Variants in DLGAP2 observed in about 807,000 individuals in gnomAD.
The protein encoded by DLGAP2 is disks large-associated protein 2.
Under a neutral mutation model 100.3 loss-of-function variants are expected in DLGAP2, and 26 were observed. The observed-to-expected ratio is 0.26, with a 90% CI of 0.19 to 0.36. DLGAP2 has a LOEUF of 0.36. DLGAP2 is among the 10% of genes least tolerant of loss of function. DLGAP2 has a pLI of 1.00. For synonymous variants in DLGAP2, 886 were observed against 630.1 expected, an observed-to-expected ratio of 1.41 and a Z score of -6.08; for missense variants, 1,858 against 1,453.2, an observed-to-expected ratio of 1.28 and a Z score of -4.53.
intron 3 of DLGAP2, among the ~76,000 whole-genome samples, chr8:1,390,157 C>A (rs1027169362): frequency 6.6e-6 from 1 of 151,660 alleles, no homozygotes; most frequent in Non-Finnish European, 1.5e-5. Flanking sequence ...TAAATCGAGG[C>A]ACTCTCTGAG....
chr8:1,513,234 G>C (rs1800235543), intron 4 of DLGAP2, among the ~76,000 whole-genome samples: 1 of 144,896 alleles, frequency 6.9e-6, no homozygotes, highest in Non-Finnish European at 1.5e-5. Flanking sequence ...GCCTTTCCCA[G>C]TGCAGGGCAA....
chr8:1,370,356 G>A (rs899516072), intron 3 of DLGAP2, among the ~76,000 whole-genome samples: 1 of 152,200 alleles, frequency 6.6e-6, no homozygotes, highest in South Asian at 2.1e-4. Context: ...GGCAGGTGGG[G>A]TTGCACCATC....
chr8:1,283,085 C>T (rs945841031), intron 3 of DLGAP2, among the ~76,000 whole-genome samples: 1 of 147,314 alleles, frequency 6.8e-6, no homozygotes, highest in South Asian at 2.2e-4. Context: ...AGCATCCAGA[C>T]GTGGTGTGAC....
At chr8:866,651 C>G (rs1447130802) in intron 1 of DLGAP2, among the ~76,000 whole-genome samples, 1 of 152,198 alleles carries the variant, frequency 6.6e-6, no homozygotes, top group African/African-American at 2.4e-5. Flanking sequence ...TTGCTGCCAC[C>G]TGTGACGGCT....
At chr8:1,059,521 G>T (rs1437760512) in intron 2 of DLGAP2, among the ~76,000 whole-genome samples, 2 of 152,220 alleles carry the variant, frequency 1.3e-5, no homozygotes, top group Non-Finnish European at 2.9e-5. Flanking sequence ...GTGGTGTGTG[G>T]CGAGTGTGGG....
rs553827391 is a variant in DLGAP2 at position 1,624,058 on chromosome 8, C to G, written c.1443-2682C>G. On this transcript the variant is annotated intron_variant, in intron 6 of 14. Transcript: ENST00000637795. ...ATGGCTCAGAGGTGATCCCTTCGTTCACGTAGCAGGCACTGGTTAGAAACT... is the reference window on the plus strand; with the variant it reads ...ATGGCTCAGAGGTGATCCCTTCGTTGACGTAGCAGGCACTGGTTAGAAACT... Among the ~76,000 whole-genome samples, 6 of 152,334 alleles carry G rather than the reference C, an allele frequency of 3.9e-5. No homozygotes were observed. The East Asian group carries it at 1.2e-3, about 29-fold the overall frequency.
rs1180784098 is a variant in DLGAP2 at position 1,156,364 on chromosome 8, C to T, written c.74-102487C>T. Among the ~76,000 whole-genome samples, 3 of 152,272 alleles carry T rather than the reference C, an allele frequency of 2.0e-5. 1 individual carries two copies. Among genetic ancestry groups the T allele is most frequent in the Non-Finnish European group, 2.9e-5 (2 of 68,012 alleles). On this transcript the variant is annotated intron_variant, in intron 2 of 14. Transcript: ENST00000637795. ...GTGGCCCGGAGGAGAGTTGGGGAGGCGGCGGTGGCCTCACTCTGGACGCCC... is the reference window on the plus strand; with the variant it reads ...GTGGCCCGGAGGAGAGTTGGGGAGGTGGCGGTGGCCTCACTCTGGACGCCC...
intron 3 of DLGAP2, among the ~76,000 whole-genome samples, chr8:1,326,518 C>T (rs1453519185): frequency 2.6e-5 from 4 of 151,700 alleles, no homozygotes; most frequent in Admixed American, 2.6e-4. Flanking sequence ...ACGGCGTGCA[C>T]TCGGTCTCGG....
chr8:1,148,661 TTC>T (rs1377408866), intron 2 of DLGAP2, among the ~76,000 whole-genome samples: 1 of 152,184 alleles, frequency 6.6e-6, no homozygotes, highest in Non-Finnish European at 1.5e-5. Flanking sequence ...TTCATTTTAT[TTC>T]TCTTTTGACA....
At chr8:1,046,098 G>T (rs531391779) in intron 2 of DLGAP2, among the ~76,000 whole-genome samples, 70 of 152,294 alleles carry the variant, frequency 4.6e-4, no homozygotes, top group African/African-American at 1.6e-3. Flanking sequence ...TATAAAAGCT[G>T]CCCAGTTACC....
At chr8:837,857 C>T (rs1027851406) in intron 1 of DLGAP2, among the ~76,000 whole-genome samples, 1 of 149,648 alleles carries the variant, frequency 6.7e-6, no homozygotes, top group Admixed American at 6.6e-5. Context: ...GCTGGGATTA[C>T]AGGCATGCAT....
At chr8:1,145,961 G>A (rs952690616) in intron 2 of DLGAP2, among the ~76,000 whole-genome samples, 2 of 151,864 alleles carry the variant, frequency 1.3e-5, no homozygotes, top group African/African-American at 4.8e-5. Flanking sequence ...TTTTATGGCT[G>A]CATAGTATTC....
chr8:1,600,717 C>G (rs1363336171), intron 6 of DLGAP2, among the ~76,000 whole-genome samples: 1 of 152,206 alleles, frequency 6.6e-6, no homozygotes, highest in African/African-American at 2.4e-5. Flanking sequence ...CGTTTTTCAG[C>G]TCCATCAGGT....
At chr8:930,408 G>A (rs1426312253) in intron 2 of DLGAP2, among the ~76,000 whole-genome samples, 1 of 152,312 alleles carries the variant, frequency 6.6e-6, no homozygotes, top group South Asian at 2.1e-4. Context: ...CTGTGCTGGG[G>A]TGCACACCAG....
chr8:1,331,436 C>T (rs1046605327), intron 3 of DLGAP2, among the ~76,000 whole-genome samples: 2 of 152,130 alleles, frequency 1.3e-5, no homozygotes, highest in Admixed American at 6.5e-5. Flanking sequence ...TGCAAACCTG[C>T]CCTCCTTCCA....
At chr8:1,281,631 A>G (rs1212632020) in intron 3 of DLGAP2, among the ~76,000 whole-genome samples, 1 of 152,168 alleles carries the variant, frequency 6.6e-6, no homozygotes, top group Non-Finnish European at 1.5e-5. Flanking sequence ...TTATTAATAA[A>G]ATCCATACAC....
At chr8:1,020,675 G>C (rs944036251) in intron 2 of DLGAP2, among the ~76,000 whole-genome samples, 1 of 152,210 alleles carries the variant, frequency 6.6e-6, no homozygotes, top group Non-Finnish European at 1.5e-5. Flanking sequence ...GACTCACTGA[G>C]TAAGGGGAAC....
chr8:1,483,590 A>G (rs1292222352), intron 3 of DLGAP2, among the ~76,000 whole-genome samples: 12 of 126,320 alleles, frequency 9.5e-5, no homozygotes, highest in African/African-American at 4.8e-4. Flanking sequence ...GCAGGCGCAG[A>G]ACGTGAGGAC....
chr8:873,200 C>A (rs1360123987), intron 1 of DLGAP2, among the ~76,000 whole-genome samples: 1 of 152,182 alleles, frequency 6.6e-6, no homozygotes, highest in Middle Eastern at 3.2e-3. Context: ...TTCAACCTTG[C>A]CAAACTCATT....
Sources: gnomAD v4.1 joint callset for allele counts (sites outside exome capture counted in the v4.1 genomes callset) on GRCh38, gnomAD v4.1.1 for gene constraint, MANE v1.5 for transcripts, NCBI Gene and HGNC (gene_info 2026-07-23, HGNC 2026-07-21) for gene names.